Variants in SLC25A26 observed in about 807,000 individuals in gnomAD.
SLC25A26 encodes the protein mitochondrial S-adenosylmethionine carrier protein.
A neutral mutation model predicts 37.8 loss-of-function variants in SLC25A26; 36 were observed. The ratio of observed to expected loss-of-function variants is 0.95; its 90% CI spans 0.73 to 1.26. The LOEUF is 1.26. Among genes scored for constraint, SLC25A26 ranks in the 50% most tolerant of loss-of-function variants. The pLI is 0.00. For missense variants in SLC25A26, 390 were observed against 331.1 expected, an observed-to-expected ratio of 1.18 and a Z score of -1.38; for synonymous variants, 129 against 122.5, an observed-to-expected ratio of 1.05 and a Z score of -0.35.
At chr3:66,147,762 C>A (rs1360840280) in intron 1 of SLC25A26, among the ~76,000 whole-genome samples, 2 of 151,806 alleles carry the variant, frequency 1.3e-5, no homozygotes, top group African/African-American at 4.8e-5. Flanking sequence ...TGTTTTTTGA[C>A]TTTTTCTTTT....
At position 66,377,774 on chromosome 3, in the gene SLC25A26, C is replaced by G; in HGVS notation, c.792C>G (p.Ser264Arg). The change falls in exon 10 of 10, where the codon AGC becomes AGG. Residue 264 changes from serine to arginine, a missense_variant. By Grantham distance (110) the Ser-to-Arg change is moderately radical. Transcript: ENST00000354883. ...TGGGGGCTTATGACCGAACGCACAG[C>G]TTGCTGTTGGAAGTTGGCAGAAAGA... ...IFLGAYDRTH[S>R]LLLEVGRKSP 1 of 1,613,892 alleles carries G rather than the reference C, an allele frequency of 6.2e-7. No homozygotes were observed. Among genetic ancestry groups the G allele is most frequent in the Non-Finnish European group, 8.5e-7 (1 of 1,179,862 alleles).
In SLC25A26 at chr3:66,378,745, ATAAT is replaced by A. The variant is rs141129251; in HGVS notation, c.*942_*945del. ...TTTTTTTTTTCTTTTTTGGGGGAAG[ATAAT>A]TAAAGGCAGAATGACTGCGTTTGTA... On this transcript the variant is annotated 3_prime_UTR_variant, in exon 10 of 10. Transcript: ENST00000354883. 3 of 152,486 alleles carry A rather than the reference ATAAT, an allele frequency of 2.0e-5. No homozygotes were observed. The highest frequency in any genetic ancestry group is 6.5e-5 in the Admixed American group (1 of 15,278). 9.4% of individuals were successfully genotyped at this position (152,486 alleles called of 1,614,324 possible).
chr3:66,218,167 T>C (rs2071389427), upstream of SLC25A26, among the ~76,000 whole-genome samples: 1 of 152,142 alleles, frequency 6.6e-6, no homozygotes, highest in South Asian at 2.1e-4. Flanking sequence ...CATATATCAG[T>C]AATTCATGTC....
chr3:66,144,385 C>A (rs563372142), intron 1 of SLC25A26, among the ~76,000 whole-genome samples: 36 of 152,298 alleles, frequency 2.4e-4, no homozygotes, highest in African/African-American at 8.7e-4. Flanking sequence ...GTCTTGGTAA[C>A]ATCAAACTCT....
intron 5 of SLC25A26, among the ~76,000 whole-genome samples, chr3:66,294,701 T>G (rs933215170): frequency 6.6e-6 from 1 of 152,164 alleles, no homozygotes; most frequent in African/African-American, 2.4e-5. Flanking sequence ...TTAAAAAAAT[T>G]CATGTAGCAG....
chr3:66,295,012 A>G (rs2074849830), intron 5 of SLC25A26, among the ~76,000 whole-genome samples: 1 of 152,256 alleles, frequency 6.6e-6, no homozygotes, highest in African/African-American at 2.4e-5. Flanking sequence ...AAATAAAGTT[A>G]GACGTATGCT....
intron 5 of SLC25A26, among the ~76,000 whole-genome samples, chr3:66,273,338 A>G (rs914704320): frequency 7.9e-5 from 12 of 151,962 alleles, no homozygotes; most frequent in African/African-American, 2.7e-4. Context: ...CCCTTTTTCT[A>G]TTGATTGGAA....
intron 6 of SLC25A26, among the ~76,000 whole-genome samples, chr3:66,351,337 A>G (rs78961792): frequency 0.061 from 9,256 of 152,284 alleles, 305 homozygotes; most frequent in South Asian, 0.076. Context: ...ACAAGACACC[A>G]TAAAGAGATG....
At chr3:66,191,132 G>T (rs1019859241) in intron 1 of SLC25A26, among the ~76,000 whole-genome samples, 10 of 152,114 alleles carry the variant, frequency 6.6e-5, no homozygotes, top group Admixed American at 1.3e-4. Flanking sequence ...CATTGCAAAG[G>T]CACAGCCCTA....
At chr3:66,270,647 A>G (rs1002901507) in intron 5 of SLC25A26, among the ~76,000 whole-genome samples, 14 of 152,196 alleles carry the variant, frequency 9.2e-5, no homozygotes, top group Admixed American at 2.6e-4. Context: ...CATTATTATA[A>G]CTTTACCGTA....
At chr3:66,324,572 C>T (rs1369554817) in intron 5 of SLC25A26, among the ~76,000 whole-genome samples, 1 of 152,110 alleles carries the variant, frequency 6.6e-6, no homozygotes, top group African/African-American at 2.4e-5. Context: ...TATCTGGTCC[C>T]TAAGCAAGGA....
chr3:66,155,884 A>T (rs902959441), intron 1 of SLC25A26, among the ~76,000 whole-genome samples: 1 of 152,134 alleles, frequency 6.6e-6, no homozygotes, highest in African/African-American at 2.4e-5. Flanking sequence ...CTCTGCTTTG[A>T]TCATACATGA....
chr3:66,312,816 A>G (rs2107609336), intron 5 of SLC25A26, among the ~76,000 whole-genome samples: 1 of 152,124 alleles, frequency 6.6e-6, no homozygotes, highest in East Asian at 1.9e-4. Flanking sequence ...CTGCTTGCCC[A>G]CTGTGGGCTG....
chr3:66,158,023 T>A (rs1367298293), intron 1 of SLC25A26, among the ~76,000 whole-genome samples: 2 of 152,258 alleles, frequency 1.3e-5, no homozygotes, highest in Non-Finnish European at 2.9e-5. Flanking sequence ...CGTTGTGTTA[T>A]ACTAGTCTTC....
At chr3:66,278,536 G>A (rs1288980891) in intron 5 of SLC25A26, among the ~76,000 whole-genome samples, 1 of 151,976 alleles carries the variant, frequency 6.6e-6, no homozygotes, top group Non-Finnish European at 1.5e-5. Flanking sequence ...TTTAAAATTT[G>A]TCAGTAGATA....
chr3:66,294,782 G>T (rs1315320363), intron 5 of SLC25A26, among the ~76,000 whole-genome samples: 2 of 152,062 alleles, frequency 1.3e-5, no homozygotes, highest in South Asian at 2.1e-4. Flanking sequence ...ATTTACTATG[G>T]GTCATTTACT....
At chr3:66,327,751 A>G (rs558231496) in intron 5 of SLC25A26, among the ~76,000 whole-genome samples, 81 of 152,282 alleles carry the variant, frequency 5.3e-4, no homozygotes, top group Non-Finnish European at 9.6e-4. Context: ...TAATGTATCA[A>G]ATTGAGTTTA....
chr3:66,236,290 A>AT (rs1157583170), intron 1 of SLC25A26, among the ~76,000 whole-genome samples: 21 of 143,434 alleles, frequency 1.5e-4, no homozygotes, highest in African/African-American at 4.1e-4. Flanking sequence ...TTGTTTAAAA[A>AT]TTTTTTTATT....
In SLC25A26 at chr3:66,378,492, A is replaced by T. The variant is rs1700814001; in HGVS notation, c.*685A>T. 6.5e-6 allele frequency: 1 copy of T among 152,694 alleles called. No individual in the cohort carries two copies. The highest frequency in any genetic ancestry group is 1.5e-5 in the Non-Finnish European group (1 of 68,066). The allele number at this position is 152,694 out of a possible 1,614,324, so 9.5% of individuals were successfully genotyped here. On this transcript the variant is annotated 3_prime_UTR_variant, in exon 10 of 10. Coordinates refer to ENST00000354883, the MANE Select transcript of SLC25A26 (RefSeq NM_001379210.1). ...TAGGTGGGCCCAGCTGGCTTCGTGC[A>T]GGAGGGCACGGTGGGTGAGCCATTC...
Sources: gnomAD v4.1 joint callset for allele counts (sites outside exome capture counted in the v4.1 genomes callset) on GRCh38, gnomAD v4.1.1 for gene constraint, MANE v1.5 for transcripts, NCBI Gene and HGNC (gene_info 2026-07-23, HGNC 2026-07-21) for gene names.